The following MGA variants were observed in gnomAD, a reference collection of about 807,000 sequenced individuals.
MGA encodes the protein MAX dimerization protein MGA, also known as MAX gene-associated protein.
MGA carries 40 observed loss-of-function variants against 261.1 expected under a neutral mutation model. The observed-to-expected ratio is 0.15, with a 90% CI of 0.12 to 0.20. The LOEUF is 0.20. MGA is among the 10% of genes least tolerant of loss of function. The pLI is 1.00. For missense variants in MGA, 3,397 were observed against 3,630.5 expected, an observed-to-expected ratio of 0.94 and a Z score of 1.65; for synonymous variants, 1,302 against 1,290.6, an observed-to-expected ratio of 1.01 and a Z score of -0.19.
At chr15:41,698,035 A>AT (rs897497367) in intron 3 of MGA, among the ~76,000 whole-genome samples, 7 of 128,250 alleles carry the variant, frequency 5.5e-5, no homozygotes, top group South Asian at 5.1e-4. Flanking sequence ...TGCCCGGCTA[A>AT]TTTTTTTTGT....
chr15:41,651,655 C>CCTCTT (rs2057051676), intron 1 of MGA, among the ~76,000 whole-genome samples: 1 of 28,686 alleles, frequency 3.5e-5, no homozygotes, highest in East Asian at 1.9e-3. Flanking sequence ...TCTCCTCTCC[C>CCTCTT]TTCCCCCTTC....
chr15:41,684,428 A>G, intron 2 of MGA: 1 of 449,662 alleles, frequency 2.2e-6, no homozygotes, highest in Non-Finnish European at 4.5e-6. Flanking sequence ...GATAGAAGAG[A>G]CTTCTCAGAA....
At chr15:41,715,734 A>G (rs1217521885) in intron 9 of MGA, among the ~76,000 whole-genome samples, 1 of 152,058 alleles carries the variant, frequency 6.6e-6, no homozygotes, top group Admixed American at 6.5e-5. Flanking sequence ...GGGTATTCTT[A>G]TTTCTATTTT....
intron 11 of MGA, among the ~76,000 whole-genome samples, chr15:41,732,547 A>G (rs890333518): frequency 5.7e-4 from 87 of 152,210 alleles, no homozygotes; most frequent in African/African-American, 2.1e-3. Flanking sequence ...CTGCTAATGC[A>G]AGAACTGATA....
At chr15:41,682,019 G>A (rs1047591130) in intron 2 of MGA, among the ~76,000 whole-genome samples, 4 of 152,106 alleles carry the variant, frequency 2.6e-5, no homozygotes, top group Non-Finnish European at 5.9e-5. Flanking sequence ...CCAGGTTCAA[G>A]CGATTCTCTT....
upstream of MGA, among the ~76,000 whole-genome samples, chr15:41,655,787 G>GT (rs2057154761): frequency 1.3e-5 from 2 of 152,258 alleles, no homozygotes; most frequent in South Asian, 4.1e-4. Flanking sequence ...CTGGGTGCTA[G>GT]TTTTTTAAAA....
At chr15:41,686,660 G>C (rs907223332) in intron 2 of MGA, among the ~76,000 whole-genome samples, 3 of 151,950 alleles carry the variant, frequency 2.0e-5, no homozygotes, top group Non-Finnish European at 4.4e-5. Flanking sequence ...CTTTCCTACT[G>C]TTACCCATTT....
chr15:41,738,605 A>G (rs551585669), intron 13 of MGA, among the ~76,000 whole-genome samples: 38 of 152,196 alleles, frequency 2.5e-4, no homozygotes, highest in Non-Finnish European at 8.8e-5. Flanking sequence ...GACTCCCTAA[A>G]ATACAAGCAT....
At chr15:41,639,837 C>T (rs1007316298) in intron 1 of MGA, among the ~76,000 whole-genome samples, 3 of 152,082 alleles carry the variant, frequency 2.0e-5, no homozygotes, top group African/African-American at 2.4e-5. Flanking sequence ...CGTGAGCCAC[C>T]GTGCCTGGCC....
intron 9 of MGA, among the ~76,000 whole-genome samples, chr15:41,721,703 A>T (rs1454870306): frequency 6.6e-6 from 1 of 152,188 alleles, no homozygotes; most frequent in Admixed American, 6.5e-5. Context: ...GCCTCTACTA[A>T]TACCAACTAT....
chr15:41,671,806 T>C (rs1307289040), intron 2 of MGA, among the ~76,000 whole-genome samples: 2 of 152,226 alleles, frequency 1.3e-5, no homozygotes, highest in African/African-American at 2.4e-5. Flanking sequence ...ATGAGCTGGT[T>C]ATTGCTTTGC....
chr15:41,645,920 C>T lies in MGA; in HGVS notation c.-67-22908C>T, dbSNP rs546984068. ...GCAGCATAAGTTCTGCATATAATCA[C>T]TGTTTTGCTATTTGACTAGGTTGAA... On this transcript the variant is annotated intron_variant, in intron 1 of 8. Transcript: ENST00000566718. Among the ~76,000 whole-genome samples, 6 of 152,236 alleles carry T rather than the reference C, an allele frequency of 3.9e-5. No individual in the cohort carries two copies. The South Asian group carries it at 1.2e-3, about 32-fold the overall frequency.
At chr15:41,659,273 T>A (rs535200998), upstream of MGA, among the ~76,000 whole-genome samples, 20 of 152,332 alleles carry the variant, frequency 1.3e-4, no homozygotes, top group Admixed American at 1.3e-3. Context: ...ATGACCTTCC[T>A]AAGTAAAAAG....
In MGA at chr15:41,669,321, G is replaced by A. The variant is rs762348566; in HGVS notation, c.427G>A (p.Glu143Lys). Residue 143 changes from glutamate (E) to lysine (K), a missense_variant, in exon 2 of 24, where the codon GAA becomes AAA. By Grantham distance (56) the Glu-to-Lys change is moderately conservative. This residue lies in a region of MGA where 104 missense variants were observed against 212.9 expected (regional missense o/e 0.49). Transcript: ENST00000219905. ...TTATAAGTGGAATGGTCGTTGGTGG[G>A]AACCTAGTGGGAAGGCTGAACCTCA... The A allele has an allele frequency of 6.2e-7, 1 of 1,613,994 alleles. No homozygotes were observed. Among genetic ancestry groups the A allele is most frequent in the South Asian group, 1.1e-5 (1 of 91,084 alleles).
chr15:41,731,225 A>G (rs889999527), intron 11 of MGA, among the ~76,000 whole-genome samples: 2 of 152,280 alleles, frequency 1.3e-5, no homozygotes, highest in African/African-American at 2.4e-5. Flanking sequence ...ATTATTAATG[A>G]CCACTTTAAT....
In MGA at chr15:41,749,668, C is replaced by G; in HGVS notation, c.6061C>G (p.Leu2021Val). The G allele has an allele frequency of 6.2e-7, 1 of 1,613,990 alleles. No homozygotes were observed. The highest frequency in any genetic ancestry group is 1.1e-5 in the South Asian group (1 of 91,084). ...AGGAGCTGCTACCTCAGAAGAAACT[C>G]TGAATGATTCCTTGGAAGATAGGGG... is the stretch of plus-strand genomic sequence containing the variant. Residue 2021 changes from leucine to valine, a missense_variant, in exon 17 of 24, where the codon CTG becomes GTG. By Grantham distance (32) the Leu-to-Val change is conservative. Around this residue, in one of 9 missense-constraint regions of MGA, gnomAD observed 1,410 missense variants for 1,386.4 expected, o/e 1.02. Coordinates refer to ENST00000219905, the MANE Select transcript of MGA (RefSeq NM_001164273.2).
chr15:41,752,854 C>T (rs1407379170), intron 17 of MGA, among the ~76,000 whole-genome samples: 4 of 152,054 alleles, frequency 2.6e-5, no homozygotes, highest in African/African-American at 9.7e-5. Context: ...CAACTGCCTC[C>T]GGCCTGAAGT....
At chr15:41,729,379 A>G in intron 11 of MGA, 30 bp downstream of exon 11, 1 of 1,580,650 alleles carries the variant, frequency 6.3e-7, no homozygotes, top group Non-Finnish European at 8.6e-7. Flanking sequence ...AGTTCTTTTT[A>G]ACTTCTGATT....
At chr15:41,697,165 T>C (rs1887458601) in intron 3 of MGA, 142 bp downstream of exon 3, 1 of 659,604 alleles carries the variant, frequency 1.5e-6, no homozygotes, top group Non-Finnish European at 2.4e-6. Context: ...GGGAGGGAAG[T>C]GTCTCCAAAA....
Sources: gnomAD v4.1 joint callset for allele counts (sites outside exome capture counted in the v4.1 genomes callset) on GRCh38, gnomAD v4.1.1 for gene constraint, gnomAD v4.1.1 regional missense constraint, MANE v1.5 for transcripts, NCBI Gene and HGNC (gene_info 2026-07-23, HGNC 2026-07-21) for gene names.